OXR1: variants seen among roughly 807,000 people sequenced by gnomAD.
The protein encoded by OXR1 is oxidation resistance 1, also known as oxidation resistance protein 1.
In OXR1, 41 loss-of-function variants were observed where a neutral mutation model predicts 104.6. The observed-to-expected ratio is 0.39, with a 90% CI of 0.31 to 0.51. The LOEUF is 0.51. Ranked by LOEUF, OXR1 falls within the 20% of genes least tolerant of loss-of-function variation. The probability of loss-of-function intolerance (pLI) is 0.77; values close to 1 mark genes in which losing one functional copy is unlikely to be tolerated. For synonymous variants in OXR1, 348 were observed against 348.4 expected, an observed-to-expected ratio of 1.00 and a Z score of 0.01; for missense variants, 955 against 1,031.9, an observed-to-expected ratio of 0.93 and a Z score of 1.02.
At chr8:106,473,879 A>G (rs2123540) in intron 2 of OXR1, among the ~76,000 whole-genome samples, 11,529 of 148,732 alleles carry the variant, frequency 0.078, 506 homozygotes, top group Non-Finnish European at 0.087. Flanking sequence ...CATTATAAGT[A>G]CTATAGCCCT....
intron 1 of OXR1, among the ~76,000 whole-genome samples, chr8:106,349,868 A>G (rs1278785180): frequency 6.6e-6 from 1 of 152,180 alleles, no homozygotes; most frequent in East Asian, 1.9e-4. Context: ...ATCAGGAACA[A>G]GTGGGCGGAG....
At chr8:106,681,881 A>C (rs2131227307) in intron 4 of OXR1, among the ~76,000 whole-genome samples, 1 of 152,242 alleles carries the variant, frequency 6.6e-6, no homozygotes, top group South Asian at 2.1e-4. Context: ...ACCTTCCCAA[A>C]AATTTGTGCT....
chr8:106,371,670 G>A (rs988078116), intron 2 of OXR1, among the ~76,000 whole-genome samples: 1 of 152,200 alleles, frequency 6.6e-6, no homozygotes, highest in African/African-American at 2.4e-5. Context: ...TCATTCAGGA[G>A]CAGGTTTTCC....
At chr8:106,361,627 G>T (rs1469849113) in intron 2 of OXR1, among the ~76,000 whole-genome samples, 5 of 152,064 alleles carry the variant, frequency 3.3e-5, no homozygotes, top group Admixed American at 6.5e-5. Flanking sequence ...AATAACCTTT[G>T]TAATTCTTCT....
At chr8:106,525,781 G>T (rs1268709682) in intron 3 of OXR1, among the ~76,000 whole-genome samples, 3 of 152,060 alleles carry the variant, frequency 2.0e-5, no homozygotes, top group Non-Finnish European at 4.4e-5. Flanking sequence ...CAGTCTATTT[G>T]TCCCTTTTAA....
rs1823900965 is a variant in OXR1 at position 106,644,345 on chromosome 8, A to G, written c.221-34865A>G. Among the ~76,000 whole-genome samples, 3 of 152,232 alleles carry G rather than the reference A, an allele frequency of 2.0e-5. No individual in the cohort carries two copies. In the South Asian group the frequency reaches 6.2e-4, roughly 31 times the overall value. ...AAATCAGGTGATCTTTAGCATATTA[A>G]TATATCATTAAAAATGTAACTTAAT... On this transcript the variant is annotated intron_variant, in intron 3 of 16. Coordinates refer to ENST00000517566, the MANE Select transcript of OXR1 (RefSeq NM_001198533.2).
intron 3 of OXR1, among the ~76,000 whole-genome samples, chr8:106,659,357 T>A (rs1212249751): frequency 1.3e-5 from 2 of 152,246 alleles, no homozygotes; most frequent in African/African-American, 4.8e-5. Flanking sequence ...AGTCTCATTT[T>A]AGCATAGCCC....
chr8:106,577,948 A>C (rs1290090994), intron 3 of OXR1, among the ~76,000 whole-genome samples: 1 of 152,214 alleles, frequency 6.6e-6, no homozygotes, highest in Admixed American at 6.5e-5. Flanking sequence ...AGTTTTTCTA[A>C]CATTTGCAGA....
At chr8:106,580,697 C>T (rs563561742) in intron 3 of OXR1, among the ~76,000 whole-genome samples, 63 of 152,142 alleles carry the variant, frequency 4.1e-4, no homozygotes, top group African/African-American at 1.5e-3. Context: ...ACCAATAGTA[C>T]ATGGCAGTTC....
intron 2 of OXR1, among the ~76,000 whole-genome samples, chr8:106,444,243 A>T (rs574920024): frequency 6.6e-6 from 1 of 152,334 alleles, no homozygotes; most frequent in South Asian, 2.1e-4. Context: ...TGTTGGTGAG[A>T]ATGTAAATTA....
intron 3 of OXR1, among the ~76,000 whole-genome samples, chr8:106,531,906 A>G (rs2130244874): frequency 6.6e-6 from 1 of 152,358 alleles, no homozygotes; most frequent in Non-Finnish European, 1.5e-5. Context: ...AAAAAGATGC[A>G]CTTAAGGAAA....
Position 106,499,156 on chromosome 8 carries a change from G to A in OXR1, c.24-19787G>A, listed in dbSNP as rs1811603466. On this transcript the variant is annotated intron_variant, in intron 2 of 16. Transcript: ENST00000517566. ...CGCAGTCCGGCCTGGGCGACAGAGC[G>A]AGACTCCGTCTCAAAAAAAAAAAAA... is the stretch of plus-strand genomic sequence containing the variant. Among the ~76,000 whole-genome samples the A allele has an allele frequency of 1.6e-4, 2 of 12,180 alleles. 1 individual carries two copies. The highest frequency in any genetic ancestry group is 4.1e-4 in the Non-Finnish European group (2 of 4,864). 8.0% of individuals were successfully genotyped at this position (12,180 alleles called of 152,430 possible).
intron 1 of OXR1, among the ~76,000 whole-genome samples, chr8:106,320,423 C>T (rs1304000709): frequency 1.3e-5 from 2 of 152,108 alleles, no homozygotes; most frequent in African/African-American, 2.4e-5. Flanking sequence ...GAGGGGGAAT[C>T]GTTGTGATAA....
At chr8:106,342,507 G>A (rs1815299624) in intron 1 of OXR1, among the ~76,000 whole-genome samples, 2 of 151,904 alleles carry the variant, frequency 1.3e-5, no homozygotes, top group South Asian at 4.1e-4. Context: ...CACCTGCCTC[G>A]GCCTCCCAAA....
chr8:106,471,140 C>T (rs1369218165), intron 2 of OXR1, among the ~76,000 whole-genome samples: 3 of 151,482 alleles, frequency 2.0e-5, no homozygotes. Context: ...AGAGTAAAAA[C>T]AGCATGTTTA....
intron 2 of OXR1, among the ~76,000 whole-genome samples, chr8:106,474,010 T>TACACAC (rs1491320641): frequency 4.9e-5 from 5 of 101,158 alleles, no homozygotes; most frequent in African/African-American, 2.3e-4. Flanking sequence ...ATTGTATATT[T>TACACAC]ATACACACAC....
At chr8:106,705,277 A>G (rs533220856) in intron 8 of OXR1, among the ~76,000 whole-genome samples, 7 of 152,326 alleles carry the variant, frequency 4.6e-5, no homozygotes, top group South Asian at 4.1e-4. Flanking sequence ...TATATTTAAT[A>G]ACAAACTAGA....
chr8:106,405,426 C>A (rs1005405496), intron 2 of OXR1, among the ~76,000 whole-genome samples: 3 of 152,002 alleles, frequency 2.0e-5, no homozygotes, highest in Non-Finnish European at 2.9e-5. Context: ...TTTATCTCTT[C>A]TGTGAAAGGT....
chr8:106,458,725 C>A (rs1196814844), intron 2 of OXR1, among the ~76,000 whole-genome samples: 1 of 152,048 alleles, frequency 6.6e-6, no homozygotes, highest in African/African-American at 2.4e-5. Context: ...CCTTAGGAGC[C>A]CAATGCCTGC....
Sources: gnomAD v4.1 joint callset for allele counts (sites outside exome capture counted in the v4.1 genomes callset) on GRCh38, gnomAD v4.1.1 for gene constraint, MANE v1.5 for transcripts, NCBI Gene and HGNC (gene_info 2026-07-23, HGNC 2026-07-21) for gene names.